The following NRG3 variants were observed in gnomAD, a reference collection of about 807,000 sequenced individuals.
The protein encoded by NRG3 is neuregulin 3.
Under a neutral mutation model 66.9 loss-of-function variants are expected in NRG3, and 31 were observed. The ratio of observed to expected loss-of-function variants is 0.46; its 90% CI spans 0.35 to 0.63. The LOEUF is 0.63. Among genes scored for constraint, NRG3 ranks in the 20% least tolerant of loss-of-function variants. The pLI, the probability that NRG3 is intolerant of heterozygous loss-of-function variation, is 0.00. For synonymous variants in NRG3, 393 were observed against 359.4 expected (o/e 1.09, Z -1.06); for missense variants, 910 against 878.9 (o/e 1.04, Z -0.45).
At chr10:82,955,195 A>C (rs1849923764) in intron 5 of NRG3, 1 of 152,026 alleles carries the variant, frequency 6.6e-6, no homozygotes, top group South Asian at 2.1e-4. Context: ...CATCAGAAGG[A>C]ATATTACAGC....
intron 1 of NRG3, among the ~76,000 whole-genome samples, chr10:82,153,734 C>T (rs554040188): frequency 2.0e-5 from 3 of 151,950 alleles, no homozygotes; most frequent in East Asian, 1.9e-4. Flanking sequence ...TATTATCTTT[C>T]GTACTTTTGA....
intron 2 of NRG3, among the ~76,000 whole-genome samples, chr10:82,691,056 C>T (rs1429278574): frequency 1.3e-5 from 2 of 152,026 alleles, no homozygotes; most frequent in African/African-American, 4.8e-5. Context: ...CCCTCTTCTT[C>T]CCTCATCTGG....
intron 1 of NRG3, among the ~76,000 whole-genome samples, chr10:81,926,546 CCTG>C (rs1396635361): frequency 6.6e-6 from 1 of 151,722 alleles, no homozygotes; most frequent in Non-Finnish European, 1.5e-5. Context: ...TTTTAAGGAT[CCTG>C]CTAATTTTAG....
chr10:82,130,550 A>G (rs973251606), intron 1 of NRG3, among the ~76,000 whole-genome samples: 6 of 152,070 alleles, frequency 3.9e-5, no homozygotes, highest in African/African-American at 7.2e-5. Context: ...TTGGGGGGGT[A>G]TATACCTAGC....
intron 1 of NRG3, among the ~76,000 whole-genome samples, chr10:81,886,140 G>A (rs916976919): frequency 4.6e-5 from 7 of 152,088 alleles, no homozygotes; most frequent in South Asian, 4.1e-4. Context: ...AAATCTGTAC[G>A]TCCTGCACAT....
chr10:82,930,539 A>G (rs1847464688), intron 4 of NRG3, among the ~76,000 whole-genome samples: 1 of 152,116 alleles, frequency 6.6e-6, no homozygotes, highest in Admixed American at 6.5e-5. Context: ...AAGATACTTG[A>G]TTGTGTATAT....
At chr10:82,192,710 C>T (rs2074223038) in intron 1 of NRG3, among the ~76,000 whole-genome samples, 1 of 151,986 alleles carries the variant, frequency 6.6e-6, no homozygotes, top group African/African-American at 2.4e-5. Context: ...GATTATTTAC[C>T]TGCAGGAGAT....
chr10:82,862,348 C>T (rs987678963), intron 3 of NRG3, among the ~76,000 whole-genome samples: 2 of 152,176 alleles, frequency 1.3e-5, no homozygotes, highest in East Asian at 3.9e-4. Context: ...GGCAGAGACT[C>T]CTCCAGTGTC....
chr10:82,825,835 T>A (rs1437946624), intron 3 of NRG3, among the ~76,000 whole-genome samples: 2 of 152,194 alleles, frequency 1.3e-5, no homozygotes, highest in Non-Finnish European at 2.9e-5. Flanking sequence ...ATAAATATAA[T>A]TATGTTTGGT....
At chr10:82,497,591 G>A (rs1590353820) in intron 2 of NRG3, among the ~76,000 whole-genome samples, 1 of 152,100 alleles carries the variant, frequency 6.6e-6, no homozygotes, top group African/African-American at 2.4e-5. Flanking sequence ...GTGTGTATGT[G>A]TGTGTGTGTG....
chr10:82,766,104 T>C (rs1446183128), intron 3 of NRG3, among the ~76,000 whole-genome samples: 1 of 152,180 alleles, frequency 6.6e-6, no homozygotes, highest in African/African-American at 2.4e-5. Flanking sequence ...TAATCCCAAA[T>C]GCAAAATGCT....
At chr10:82,981,505 C>T (rs977015291) in intron 8 of NRG3, among the ~76,000 whole-genome samples, 3 of 152,164 alleles carry the variant, frequency 2.0e-5, no homozygotes, top group African/African-American at 4.8e-5. Flanking sequence ...AGCTAAAGGC[C>T]GTCTTTAAAT....
At chr10:82,077,838 G>A (rs1006593385) in intron 1 of NRG3, among the ~76,000 whole-genome samples, 1 of 152,198 alleles carries the variant, frequency 6.6e-6, no homozygotes, top group Non-Finnish European at 1.5e-5. Flanking sequence ...CCTAGTGCAA[G>A]GAATTATTCA....
intron 2 of NRG3, among the ~76,000 whole-genome samples, chr10:82,498,802 T>C (rs190350251): frequency 1.3e-5 from 2 of 152,246 alleles, no homozygotes; most frequent in East Asian, 3.9e-4. Flanking sequence ...TATGGCACTG[T>C]GGGGGTTCTT....
At chr10:82,811,057 GA>G (rs1781843869) in intron 3 of NRG3, among the ~76,000 whole-genome samples, 1 of 152,064 alleles carries the variant, frequency 6.6e-6, no homozygotes. Context: ...AATCTCCACT[GA>G]AATTCACTTT....
At chr10:82,052,767 G>A (rs938166693) in intron 1 of NRG3, among the ~76,000 whole-genome samples, 2 of 152,064 alleles carry the variant, frequency 1.3e-5, no homozygotes, top group South Asian at 4.2e-4. Context: ...GGGCAACATT[G>A]TTTAGTATTA....
intron 1 of NRG3, among the ~76,000 whole-genome samples, chr10:82,065,932 C>T (rs906933458): frequency 6.6e-6 from 1 of 152,166 alleles, no homozygotes; most frequent in Non-Finnish European, 1.5e-5. Flanking sequence ...AGGAACAAAA[C>T]TCACATTTCA....
intron 3 of NRG3, among the ~76,000 whole-genome samples, chr10:82,781,196 T>C (rs1291725214): frequency 6.6e-6 from 1 of 152,170 alleles, no homozygotes; most frequent in Non-Finnish European, 1.5e-5. Context: ...GGTTGTCTGT[T>C]GTGTTATCTT....
intron 1 of NRG3, among the ~76,000 whole-genome samples, chr10:81,979,584 T>A (rs537408873): frequency 6.6e-6 from 1 of 152,290 alleles, no homozygotes; most frequent in South Asian, 2.1e-4. Flanking sequence ...TTTTCAGCAA[T>A]GTCAAATGTA....
Sources: gnomAD v4.1 joint callset for allele counts (sites outside exome capture counted in the v4.1 genomes callset) on GRCh38, gnomAD v4.1.1 for gene constraint, MANE v1.5 for transcripts, NCBI Gene and HGNC (gene_info 2026-07-23, HGNC 2026-07-21) for gene names.